AP3B2: variants seen among roughly 807,000 people sequenced by gnomAD.
AP3B2 encodes the protein adaptor related protein complex 3 subunit beta 2.
Under a neutral mutation model 126.9 loss-of-function variants are expected in AP3B2, and 50 were observed. The ratio of observed to expected loss-of-function variants is 0.39; its 90% CI spans 0.31 to 0.50. The LOEUF is 0.50. Ranked by LOEUF, AP3B2 falls within the 20% of genes least tolerant of loss-of-function variation. AP3B2 has a pLI of 0.79. For synonymous variants in AP3B2, 541 were observed against 565.0 expected (o/e 0.96, Z 0.60); for missense variants, 1,177 against 1,426.4 (o/e 0.83, Z 2.82).
At chr15:82,702,610 G>C (rs1329382482) in intron 1 of AP3B2, among the ~76,000 whole-genome samples, 1 of 146,920 alleles carries the variant, frequency 6.8e-6, no homozygotes, top group African/African-American at 2.5e-5. Context: ...ACCCCCCTTT[G>C]ACTGTAATTG....
chr15:82,686,979 C>G, intron 4 of AP3B2: 1 of 152,142 alleles, frequency 6.6e-6, no homozygotes, highest in Admixed American at 6.5e-5. Flanking sequence ...CTTCGGCCTC[C>G]CAAAGTGCTG....
Position 82,680,649 on chromosome 15 carries a change from C to G in AP3B2, c.878G>C (p.Arg293Pro), listed in dbSNP as rs2048322309. The G allele has an allele frequency of 2.5e-6, 4 of 1,584,792 alleles. No individual in the cohort carries two copies. Among genetic ancestry groups the G allele is most frequent in the Non-Finnish European group, 3.4e-6 (4 of 1,170,470 alleles). The part of the protein sequence containing the change: ...EETAAAAAPS[R>P]KPYVMDPDHR... ...GTCGGGGTCCATGACATAGGGCTTTCGGGAGGGGGCGGCCGCGGCGGCCGT... is the reference window on the plus strand; with the variant it reads ...GTCGGGGTCCATGACATAGGGCTTTGGGGAGGGGGCGGCCGCGGCGGCCGT... The change falls in exon 8 of 27, where the codon CGA becomes CCA. Residue 293 changes from arginine (R) to proline (P), a missense_variant. Transcript: ENST00000535359. The surrounding 1 kb of genome is among the most constrained non-coding windows in gnomAD (Gnocchi z 6.1).
rs779531557 is a variant in AP3B2, at chr15:82,663,589, T to G, written c.2468A>C (p.Lys823Thr). The G allele has an allele frequency of 1.2e-6, 2 of 1,613,752 alleles. No individual in the cohort carries two copies. Among genetic ancestry groups the G allele is most frequent in the Non-Finnish European group, 1.7e-6 (2 of 1,179,844 alleles). The change falls in exon 21 of 27, where the codon AAG (lysine) becomes ACG (threonine). Residue 823 changes from lysine (K) to threonine (T), a missense_variant. This residue lies in a region of AP3B2 where 587 missense variants were observed against 571.3 expected (regional missense o/e 1.03). Transcript: ENST00000535359. Reference sequence around the variant, plus strand: ...CTCTAGATCAAGCAGGGAGATCTCCTTGGTTGCAGGAGCACTTTTGCTGCT... The same window carrying G: ...CTCTAGATCAAGCAGGGAGATCTCCGTGGTTGCAGGAGCACTTTTGCTGCT... The part of the protein sequence containing the change: ...PPSSKSAPAT[K>T]EISLLDLEDF...
chr15:82,680,446 G>T lies in AP3B2; in HGVS notation c.1055+26C>A. The T allele has an allele frequency of 6.9e-7, 1 of 1,455,532 alleles. No individual in the cohort carries two copies. The highest frequency in any genetic ancestry group is 1.4e-5 in the South Asian group (1 of 72,052). The allele number at this position is 1,455,532 out of a possible 1,614,324, so 90.2% of individuals were successfully genotyped here. A position where few individuals can be genotyped will look rare whatever the true frequency, so the allele number is the denominator to read the frequency against. On this transcript the variant is annotated intron_variant, in intron 8 of 26. Coordinates refer to ENST00000535359, the MANE Select transcript of AP3B2 (RefSeq NM_001278512.2). The surrounding 1 kb of genome is among the most constrained non-coding windows in gnomAD (Gnocchi z 6.1). ...TGGGGCGGGGCAGGAGGCGAGGGAG[G>T]GGGCGGGGCTGGGGGCGGAGCGCAC...
intron 14 of AP3B2, among the ~76,000 whole-genome samples, chr15:82,669,634 G>A (rs28856075): frequency 2.0e-5 from 3 of 150,848 alleles, no homozygotes; most frequent in Non-Finnish European, 4.4e-5. Context: ...GAAGGTTGCA[G>A]TGAGCCAAGA....
At chr15:82,683,051 T>TTTTTTTTG in intron 4 of AP3B2, among the ~76,000 whole-genome samples, 1 of 73,790 alleles carries the variant, frequency 1.4e-5, no homozygotes, top group Middle Eastern at 5.0e-3. Flanking sequence ...CCAGGAGTTT[T>TTTTTTTTG]TTTTTTTTTT....
chr15:82,702,642 A>G (rs1404299012), intron 1 of AP3B2, among the ~76,000 whole-genome samples: 1 of 151,142 alleles, frequency 6.6e-6, no homozygotes, highest in Admixed American at 6.6e-5. Flanking sequence ...CCCAAATCCT[A>G]TAAAATGGCC....
intron 1 of AP3B2, among the ~76,000 whole-genome samples, chr15:82,696,618 C>A (rs2048631245): frequency 1.3e-5 from 2 of 152,286 alleles, no homozygotes; most frequent in South Asian, 2.1e-4. Context: ...TGTATAAGGT[C>A]TCTTTGCAGC....
rs2151428578 is a variant in AP3B2 at position 82,663,859 on chromosome 15, T to C, written c.2378A>G (p.Glu793Gly). ...CTCCTCCTCGGACTCCGATGTCATC[T>C]CGGACTCTGATGAGCTACTGCTGGA... ...SDSSSSSSES[E>G]MTSESEEEQL... Residue 793 changes from glutamate (E) to glycine (G), a missense_variant, in exon 20 of 27, where the codon GAG (glutamate) becomes GGG (glycine). By Grantham distance (98) the Glu-to-Gly change is moderately conservative (BLOSUM62 -2). Around this residue, in one of 5 missense-constraint regions of AP3B2, gnomAD observed 587 missense variants for 571.3 expected, o/e 1.03. Coordinates refer to ENST00000535359, the MANE Select transcript of AP3B2 (RefSeq NM_001278512.2). 1 of 1,613,934 alleles carries C rather than the reference T, an allele frequency of 6.2e-7. No individual in the cohort carries two copies. The highest frequency in any genetic ancestry group is 2.2e-5 in the East Asian group (1 of 44,882).
Position 82,680,806 on chromosome 15 carries a change from G to T in AP3B2, c.771+31C>A. On this transcript the variant is annotated intron_variant, in intron 7 of 26. Coordinates refer to ENST00000535359, the MANE Select transcript of AP3B2 (RefSeq NM_001278512.2). The surrounding 1 kb of genome is among the most constrained non-coding windows in gnomAD (Gnocchi z 6.1). ...TGGGCGCCTCCCCGGGACACACTTC[G>T]GCCCGCTCTGCCTGGGCTGGGCCCA... The T allele has an allele frequency of 4.3e-6, 7 of 1,611,448 alleles. No individual in the cohort carries two copies. The highest frequency in any genetic ancestry group is 5.9e-6 in the Non-Finnish European group (7 of 1,178,750).
At chr15:82,707,150 C>T (rs1211610029) in intron 1 of AP3B2, among the ~76,000 whole-genome samples, 1 of 152,156 alleles carries the variant, frequency 6.6e-6, no homozygotes, top group Admixed American at 6.5e-5. Flanking sequence ...GTCAAATCAC[C>T]CAAGCAGTTT....
At position 82,665,067 on chromosome 15, in the gene AP3B2, A is replaced by T. The variant is rs752635273; in HGVS notation, c.2029-124T>A. On this transcript the variant is annotated intron_variant, in intron 17 of 26. Coordinates refer to ENST00000535359, the MANE Select transcript of AP3B2 (RefSeq NM_001278512.2). The surrounding 1 kb of genome is among the most constrained non-coding windows in gnomAD (Gnocchi z 4.4). Reference sequence around the variant, plus strand: ...CTACCTGGTCTGTCCCACAAAGGGAATAACAGAGGAGGAAGAAAGGGGCAC... The same window carrying T: ...CTACCTGGTCTGTCCCACAAAGGGATTAACAGAGGAGGAAGAAAGGGGCAC... The T allele has an allele frequency of 5.8e-6, 6 of 1,028,566 alleles. No individual in the cohort carries two copies. The Admixed American group carries it at 8.3e-5, about 14-fold the overall frequency. 63.7% of individuals were successfully genotyped at this position (1,028,566 alleles called of 1,614,324 possible).
At chr15:82,663,005 A>G in intron 22 of AP3B2, 83 bp from the exon 23 acceptor site, 3 of 1,519,720 alleles carry the variant, frequency 2.0e-6, no homozygotes, top group Non-Finnish European at 2.7e-6. Flanking sequence ...GCCATCCAGC[A>G]GCTGGGACTC....
chr15:82,699,789 A>T (rs2048690099), intron 1 of AP3B2: 1 of 399,270 alleles, frequency 2.5e-6, no homozygotes, highest in African/African-American at 2.1e-5. Context: ...GAGCCAGCAC[A>T]GGGCTAGCAG....
Position 82,681,264 on chromosome 15 carries a change from C to T in AP3B2, c.522-86G>A. 5 of 1,531,806 alleles carry T rather than the reference C, an allele frequency of 3.3e-6. No homozygotes were observed. The highest frequency in any genetic ancestry group is 4.4e-6 in the Non-Finnish European group (5 of 1,126,422). The allele number at this position is 1,531,806 out of a possible 1,614,324, so 94.9% of individuals were successfully genotyped here. ...TCCAAGCCATGCTCACCTCCTGCAC[C>T]CCAGCCTTATTGTTCTCCTCCATCT... is the stretch of plus-strand genomic sequence containing the variant. On this transcript the variant is annotated intron_variant, in intron 5 of 26. Transcript: ENST00000535359. This position sits in a 1 kb window ranked among gnomAD's most constrained non-coding sequence, Gnocchi z 4.0.
Position 82,659,770 on chromosome 15 carries a change from G to A in AP3B2, c.3156-60C>T. 1.9e-6 allele frequency: 3 copies of A among 1,609,474 alleles called. No homozygotes were observed. The East Asian group carries it at 6.7e-5, about 36-fold the overall frequency. ...CTAAGGGTGACTGTGTTTGGAAGGGGATCAGCAGCTGGGGCTCCTCCTTCA... is the reference window on the plus strand; with the variant it reads ...CTAAGGGTGACTGTGTTTGGAAGGGAATCAGCAGCTGGGGCTCCTCCTTCA... On this transcript the variant is annotated intron_variant, in intron 26 of 26. Coordinates refer to ENST00000535359, the MANE Select transcript of AP3B2 (RefSeq NM_001278512.2).
At chr15:82,689,292 G>C in intron 2 of AP3B2, 60 bp from the exon 3 acceptor site, 1 of 1,612,246 alleles carries the variant, frequency 6.2e-7, no homozygotes, top group Non-Finnish European at 8.5e-7. Context: ...GCACTAACTA[G>C]AGGGAAGGTC....
At chr15:82,663,066 T>C (rs2047982189) in intron 22 of AP3B2, 61 bp downstream of exon 22, 14 of 1,509,402 alleles carry the variant, frequency 9.3e-6, no homozygotes, top group Non-Finnish European at 1.2e-5. Flanking sequence ...ATCCACACCA[T>C]AGGATGCAGC....
intron 24 of AP3B2, 71 bp downstream of exon 24, chr15:82,662,097 A>G (rs769705848): frequency 5.8e-5 from 85 of 1,455,248 alleles, no homozygotes; most frequent in Middle Eastern, 4.0e-4. Context: ...CACCACCTCC[A>G]TTTCCAGTTC....
Sources: allele counts gnomAD v4.1 joint callset (sites outside exome capture counted in the v4.1 genomes callset), GRCh38; gene constraint gnomAD v4.1.1; regional missense constraint gnomAD v4.1.1; non-coding constraint Gnocchi (gnomAD v3.1); transcripts MANE v1.5; gene names NCBI Gene and HGNC (gene_info 2026-07-23, HGNC 2026-07-21).